Variants in CSMD3 observed in about 807,000 individuals in gnomAD.
CSMD3 encodes CUB and Sushi multiple domains 3, also known as CUB and sushi domain-containing protein 3.
A neutral mutation model predicts 435.2 loss-of-function variants in CSMD3; 177 were observed. The observed-to-expected ratio is 0.41, with a 90% CI of 0.36 to 0.46. CSMD3 has a LOEUF of 0.46. Ranked by LOEUF, CSMD3 falls within the 20% of genes least tolerant of loss-of-function variation. CSMD3 has a pLI of 0.34. For missense variants in CSMD3, 4,265 were observed against 4,504.6 expected, an observed-to-expected ratio of 0.95 and a Z score of 1.52; for synonymous variants, 1,656 against 1,520.5, an observed-to-expected ratio of 1.09 and a Z score of -2.07.
At chr8:112,816,025 G>A (rs1284998332) in intron 12 of CSMD3, among the ~76,000 whole-genome samples, 1 of 152,048 alleles carries the variant, frequency 6.6e-6, no homozygotes, top group African/African-American at 2.4e-5. Flanking sequence ...TGATTTTCCT[G>A]GAAGTGGTAT....
At chr8:112,899,226 C>G (rs181838307) in intron 10 of CSMD3, among the ~76,000 whole-genome samples, 1 of 150,862 alleles carries the variant, frequency 6.6e-6, no homozygotes, top group African/African-American at 2.4e-5. Flanking sequence ...TACAATTGTC[C>G]CAGACTATGC....
intron 1 of CSMD3, among the ~76,000 whole-genome samples, chr8:113,427,608 C>CT (rs1256692894): frequency 6.6e-6 from 1 of 151,540 alleles, no homozygotes; most frequent in Non-Finnish European, 1.5e-5. Context: ...CCTGTCCCCT[C>CT]TTTTATGTGA....
intron 38 of CSMD3, among the ~76,000 whole-genome samples, chr8:112,372,117 T>C (rs1360465999): frequency 2.0e-5 from 3 of 151,620 alleles, no homozygotes; most frequent in African/African-American, 7.3e-5. Context: ...CACACACATA[T>C]GCACACACAC....
chr8:112,555,991 G>A (rs1178714313), intron 25 of CSMD3, among the ~76,000 whole-genome samples: 1 of 151,952 alleles, frequency 6.6e-6, no homozygotes, highest in East Asian at 1.9e-4. Context: ...AAGAAAGGCT[G>A]AAGAATCACT....
chr8:113,248,225 T>G (rs1260565360), intron 3 of CSMD3, among the ~76,000 whole-genome samples: 1 of 151,768 alleles, frequency 6.6e-6, no homozygotes, highest in African/African-American at 2.4e-5. Flanking sequence ...GAGTGTTGAA[T>G]ACAATGGTTA....
intron 16 of CSMD3, among the ~76,000 whole-genome samples, chr8:112,668,345 A>T (rs530272747): frequency 7.2e-5 from 11 of 152,306 alleles, no homozygotes; most frequent in African/African-American, 2.4e-4. Flanking sequence ...CAAAATACAG[A>T]GTATTTCTGA....
At chr8:112,673,697 C>A (rs1190155963) in intron 16 of CSMD3, among the ~76,000 whole-genome samples, 1 of 152,018 alleles carries the variant, frequency 6.6e-6, no homozygotes. Flanking sequence ...CAAGAGAGAA[C>A]CTCTTACCCT....
chr8:113,227,791 T>G (rs2093044309), intron 3 of CSMD3, among the ~76,000 whole-genome samples: 1 of 151,660 alleles, frequency 6.6e-6, no homozygotes, highest in African/African-American at 2.4e-5. Context: ...CTTCCTTTAT[T>G]TATAAATTAC....
At chr8:113,166,297 G>T (rs1338888796) in intron 4 of CSMD3, among the ~76,000 whole-genome samples, 1 of 152,090 alleles carries the variant, frequency 6.6e-6, no homozygotes, top group South Asian at 2.1e-4. Flanking sequence ...TTGAGGTCAG[G>T]AGTTCAAGGC....
intron 22 of CSMD3, among the ~76,000 whole-genome samples, chr8:112,590,715 G>C (rs1015727896): frequency 6.7e-6 from 1 of 149,464 alleles, no homozygotes; most frequent in South Asian, 2.2e-4. Context: ...ACTGAATGAG[G>C]TACATTTATA....
At chr8:113,033,321 C>A (rs1286852796) in intron 5 of CSMD3, among the ~76,000 whole-genome samples, 1 of 151,628 alleles carries the variant, frequency 6.6e-6, no homozygotes, top group Non-Finnish European at 1.5e-5. Flanking sequence ...CTGTACCCTG[C>A]AGAGCCACAG....
chr8:113,041,456 C>G (rs561726956), intron 5 of CSMD3, among the ~76,000 whole-genome samples: 1 of 152,126 alleles, frequency 6.6e-6, no homozygotes, highest in African/African-American at 2.4e-5. Context: ...CCTACCTTGT[C>G]CTTGCTAAGT....
intron 1 of CSMD3, among the ~76,000 whole-genome samples, chr8:113,425,315 TA>T (rs2094629873): frequency 1.3e-5 from 2 of 151,544 alleles, no homozygotes; most frequent in Non-Finnish European, 1.5e-5. Context: ...ATTTGATATT[TA>T]CATGAAATAG....
rs73700642 is a variant in CSMD3, at chr8:112,351,074, A to G, written c.6325+101T>C. ...TATATGTTTGAAAATCATGATATAC[A>G]GAATGAAACTTTAAAATCTGATGAA... On this transcript the variant is annotated intron_variant, in intron 40 of 70. Transcript: ENST00000297405. The G allele has an allele frequency of 0.011, 8,354 of 754,708 alleles. 496 individuals are homozygous for G. The African/African-American group carries it at 0.13, about 12-fold the overall frequency. 46.8% of individuals were successfully genotyped at this position (754,708 alleles called of 1,614,324 possible).
intron 52 of CSMD3, among the ~76,000 whole-genome samples, chr8:112,303,119 T>A (rs1821094290): frequency 6.6e-6 from 1 of 152,112 alleles, no homozygotes. Context: ...TTGTAGATAA[T>A]AATTACCTAG....
chr8:113,410,655 A>G (rs549552381), intron 1 of CSMD3, among the ~76,000 whole-genome samples: 1 of 151,586 alleles, frequency 6.6e-6, no homozygotes, highest in African/African-American at 2.4e-5. Flanking sequence ...TACACCTGTA[A>G]TCCCAGCACT....
intron 6 of CSMD3, among the ~76,000 whole-genome samples, chr8:112,976,884 C>T (rs2084868595): frequency 6.6e-6 from 1 of 151,668 alleles, no homozygotes; most frequent in Admixed American, 6.6e-5. Flanking sequence ...CAGCACGTAA[C>T]TTTAATTCAC....
At chr8:112,476,189 C>A (rs1485464072) in intron 31 of CSMD3, among the ~76,000 whole-genome samples, 5 of 151,928 alleles carry the variant, frequency 3.3e-5, no homozygotes, top group Admixed American at 2.0e-4. Flanking sequence ...GGAATTACAG[C>A]CATGCACTAC....
Position 112,359,610 on chromosome 8 carries a change from T to C in CSMD3, c.6137-7076A>G, listed in dbSNP as rs542891381. On this transcript the variant is annotated intron_variant, in intron 38 of 70. Coordinates refer to ENST00000297405, the MANE Select transcript of CSMD3 (RefSeq NM_198123.2). ...ACAATGGTTAGAGTAGCTTAAATCA[T>C]GCCAAACTGGATGACATTTAACAAT... Among the ~76,000 whole-genome samples, 6 of 152,234 alleles carry C rather than the reference T, an allele frequency of 3.9e-5. No individual in the cohort carries two copies. In the South Asian group the frequency reaches 1.2e-3, roughly 32 times the overall value.
Sources: gnomAD v4.1 joint callset for allele counts (sites outside exome capture counted in the v4.1 genomes callset) on GRCh38, gnomAD v4.1.1 for gene constraint, MANE v1.5 for transcripts, NCBI Gene and HGNC (gene_info 2026-07-23, HGNC 2026-07-21) for gene names.